ASIC2: variants seen among roughly 807,000 people sequenced by gnomAD.
The protein encoded by ASIC2 is acid sensing ion channel subunit 2.
Under a neutral mutation model 57.3 loss-of-function variants are expected in ASIC2, and 25 were observed. The observed-to-expected ratio is 0.44, with a 90% CI of 0.32 to 0.61. ASIC2 has a LOEUF of 0.61. Ranked by LOEUF, ASIC2 falls within the 20% of genes least tolerant of loss-of-function variation. The probability of loss-of-function intolerance (pLI) is 0.06; values close to 1 mark genes in which losing one functional copy is unlikely to be tolerated. For synonymous variants in ASIC2, 319 were observed against 307.5 expected (o/e 1.04, Z -0.39); for missense variants, 641 against 738.1 (o/e 0.87, Z 1.52).
intron 1 of ASIC2, among the ~76,000 whole-genome samples, chr17:33,523,192 A>T (rs1914792797): frequency 6.6e-6 from 1 of 152,188 alleles, no homozygotes; most frequent in Non-Finnish European, 1.5e-5. Flanking sequence ...TTGGTAAAGT[A>T]CTCAGCCCCT....
At chr17:33,651,211 G>A (rs563090458) in intron 1 of ASIC2, among the ~76,000 whole-genome samples, 4 of 152,126 alleles carry the variant, frequency 2.6e-5, no homozygotes, top group Admixed American at 6.6e-5. Flanking sequence ...GTATTGGTCT[G>A]GTTAAGTGTA....
intron 1 of ASIC2, among the ~76,000 whole-genome samples, chr17:33,985,860 C>A (rs533783418): frequency 6.6e-6 from 1 of 152,238 alleles, no homozygotes; most frequent in South Asian, 2.1e-4. Context: ...GGTCCACAGG[C>A]CTTCCCTGAG....
At chr17:33,497,456 G>A (rs142740858) in intron 1 of ASIC2, among the ~76,000 whole-genome samples, 1 of 152,316 alleles carries the variant, frequency 6.6e-6, no homozygotes, top group Non-Finnish European at 1.5e-5. Context: ...GTCAGAGGAA[G>A]GGCCCTGAGG....
chr17:33,501,608 C>T (rs1455391057), intron 1 of ASIC2, among the ~76,000 whole-genome samples: 7 of 152,152 alleles, frequency 4.6e-5, no homozygotes, highest in Admixed American at 6.5e-5. Context: ...TAGGTACCGT[C>T]GAATCCGTGT....
intron 8 of ASIC2, among the ~76,000 whole-genome samples, 184 bp from the exon 9 acceptor site, chr17:33,016,223 G>A (rs563229762): frequency 1.3e-5 from 2 of 152,332 alleles, no homozygotes; most frequent in East Asian, 1.9e-4. Context: ...CCTTTTGGCT[G>A]AAATGGGATT....
At chr17:33,557,857 G>T (rs975988849) in intron 1 of ASIC2, among the ~76,000 whole-genome samples, 1 of 152,088 alleles carries the variant, frequency 6.6e-6, no homozygotes. Context: ...TACCATCCTA[G>T]CATAATCTAT....
chr17:34,099,787 AAAG>A (rs761334473), intron 1 of ASIC2, among the ~76,000 whole-genome samples: 7,216 of 85,602 alleles, frequency 0.084, 478 homozygotes, highest in African/African-American at 0.13. Context: ...AGAAAGAAAG[AAAG>A]AAAGAAAGAA....
intron 1 of ASIC2, among the ~76,000 whole-genome samples, chr17:33,380,245 CAAAAAAAAAA>C (rs10586872): frequency 1.4e-5 from 1 of 71,064 alleles, no homozygotes; most frequent in African/African-American, 5.1e-5. Context: ...AACCCTGTCT[CAAAAAAAAAA>C]AAAAAAAAAA....
chr17:33,412,250 C>T (rs956534315), intron 1 of ASIC2, among the ~76,000 whole-genome samples: 1 of 152,226 alleles, frequency 6.6e-6, no homozygotes, highest in African/African-American at 2.4e-5. Flanking sequence ...TGTCTAGCAG[C>T]TCAGGCCCTA....
intron 1 of ASIC2, among the ~76,000 whole-genome samples, chr17:33,875,953 G>C (rs1914534830): frequency 6.6e-6 from 1 of 151,960 alleles, no homozygotes. Flanking sequence ...GTTTCAATTA[G>C]AAAAAGATTC....
At chr17:34,149,938 C>G (rs1157707395) in intron 1 of ASIC2, among the ~76,000 whole-genome samples, 2 of 152,146 alleles carry the variant, frequency 1.3e-5, no homozygotes, top group Non-Finnish European at 2.9e-5. Flanking sequence ...TTCTGCCCTC[C>G]CATGTTTATT....
chr17:33,437,832 G>A (rs572208296), intron 1 of ASIC2, among the ~76,000 whole-genome samples: 1 of 152,262 alleles, frequency 6.6e-6, no homozygotes, highest in East Asian at 1.9e-4. Context: ...TTTAAATTCT[G>A]CATGGAGGAT....
chr17:34,130,067 T>C (rs948785315), intron 1 of ASIC2, among the ~76,000 whole-genome samples: 1 of 152,238 alleles, frequency 6.6e-6, no homozygotes. Context: ...TTTAAGGCTA[T>C]TGCTCTGCAC....
At chr17:34,122,915 A>T (rs1207400531) in intron 1 of ASIC2, among the ~76,000 whole-genome samples, 1 of 152,254 alleles carries the variant, frequency 6.6e-6, no homozygotes, top group Non-Finnish European at 1.5e-5. Flanking sequence ...AAGCAGCCTC[A>T]TAAAGAATAT....
chr17:33,653,955 T>A (rs1047477565), intron 1 of ASIC2, among the ~76,000 whole-genome samples: 1 of 152,230 alleles, frequency 6.6e-6, no homozygotes, highest in Non-Finnish European at 1.5e-5. Flanking sequence ...AAACATTATA[T>A]TCTTTTTGCA....
intron 1 of ASIC2, among the ~76,000 whole-genome samples, chr17:33,927,136 C>T (rs1915840233): frequency 6.6e-6 from 1 of 152,116 alleles, no homozygotes; most frequent in African/African-American, 2.4e-5. Flanking sequence ...ACCATGTTGG[C>T]CAGGCTGGTC....
At chr17:33,076,658 T>C (rs536163962) in intron 3 of ASIC2, among the ~76,000 whole-genome samples, 3 of 152,300 alleles carry the variant, frequency 2.0e-5, no homozygotes, top group Admixed American at 6.5e-5. Context: ...GTATTTTTAA[T>C]ACAAACGGGA....
intron 1 of ASIC2, among the ~76,000 whole-genome samples, chr17:33,539,865 CA>C (rs1402405537): frequency 2.0e-5 from 3 of 152,152 alleles, no homozygotes; most frequent in African/African-American, 4.8e-5. Flanking sequence ...GAATGAGTGA[CA>C]AGGGACTTCT....
chr17:34,138,729 A>G (rs1598044319), intron 1 of ASIC2, among the ~76,000 whole-genome samples: 1 of 152,170 alleles, frequency 6.6e-6, no homozygotes, highest in South Asian at 2.1e-4. Flanking sequence ...AGTTGCCTTG[A>G]CTACGGCTGA....
Sources: allele counts gnomAD v4.1 joint callset (sites outside exome capture counted in the v4.1 genomes callset), GRCh38; gene constraint gnomAD v4.1.1; transcripts MANE v1.5; gene names NCBI Gene and HGNC (gene_info 2026-07-23, HGNC 2026-07-21).